IMPG2: variants seen among roughly 807,000 people sequenced by gnomAD.
The protein encoded by IMPG2 is interphotoreceptor matrix proteoglycan 2.
In IMPG2, 91 loss-of-function variants were observed where a neutral mutation model predicts 129.2. The observed-to-expected ratio is 0.70, with a 90% CI of 0.59 to 0.84. The LOEUF is 0.84. IMPG2 is among the 40% of genes least tolerant of loss of function. The pLI, the probability that IMPG2 is intolerant of heterozygous loss-of-function variation, is 0.00. For synonymous variants in IMPG2, 510 were observed against 517.7 expected (o/e 0.99, Z 0.20); for missense variants, 1,430 against 1,461.7 (o/e 0.98, Z 0.35).
At chr3:101,256,897 A>G (rs2107233993) in intron 10 of IMPG2, among the ~76,000 whole-genome samples, 1 of 152,258 alleles carries the variant, frequency 6.6e-6, no homozygotes, top group East Asian at 1.9e-4. Context: ...GCATACTGGT[A>G]GCCAGAATCT....
intron 17 of IMPG2, 74 bp downstream of exon 17, chr3:101,229,306 A>ACCCCCCCCCCCCCCC: frequency 2.8e-6 from 1 of 362,592 alleles, no homozygotes; most frequent in South Asian, 2.0e-5. Flanking sequence ...ACACACCCCC[A>ACCCCCCCCCCCCCCC]CCCACCACCC....
intron 3 of IMPG2, among the ~76,000 whole-genome samples, chr3:101,299,107 T>C (rs1301599397): frequency 2.6e-5 from 4 of 152,210 alleles, no homozygotes; most frequent in Non-Finnish European, 5.9e-5. Flanking sequence ...CTTTTCATTC[T>C]TTTTTTCTAA....
At chr3:101,266,055 T>C (rs904740674) in intron 9 of IMPG2, among the ~76,000 whole-genome samples, 1 of 152,084 alleles carries the variant, frequency 6.6e-6, no homozygotes, top group African/African-American at 2.4e-5. Context: ...AAATAGCAAA[T>C]GCTAGTGAGG....
chr3:101,251,218 A>G (rs1994201), intron 11 of IMPG2, among the ~76,000 whole-genome samples: 99,438 of 152,064 alleles, frequency 0.65, 32,673 homozygotes, highest in Admixed American at 0.7. Flanking sequence ...CTCAAGCAGT[A>G]ATATACCATT....
chr3:101,314,795 C>A (rs2058775712), intron 2 of IMPG2, among the ~76,000 whole-genome samples: 1 of 151,940 alleles, frequency 6.6e-6, no homozygotes, highest in African/African-American at 2.4e-5. Context: ...CTGAAGATGA[C>A]CTAAATAAAT....
rs767891826 is a variant in IMPG2 at position 101,243,566 on chromosome 3, A to G, written c.2765T>C (p.Leu922Ser). The G allele has an allele frequency of 5.0e-6, 8 of 1,613,828 alleles. No individual in the cohort carries two copies. The highest frequency in any genetic ancestry group is 1.3e-5 in the African/African-American group (1 of 75,026). Residue 922 changes from leucine to serine, a missense_variant, in exon 13 of 19, where the codon TTG becomes TCG. Leu to Ser is a moderately radical substitution (Grantham distance 145). Transcript: ENST00000193391. ...FSEDLFNKNSLEYKALEQRFL... is the reference protein window; with the variant it reads ...FSEDLFNKNSSEYKALEQRFL... ...TCTTTGCTCCAGGGCTTTATACTCCAAGGAGTTTTTATTAAACAGATCTTC... is the reference window on the plus strand; with the variant it reads ...TCTTTGCTCCAGGGCTTTATACTCCGAGGAGTTTTTATTAAACAGATCTTC...
chr3:101,290,506 C>A (rs1039263952), intron 4 of IMPG2, among the ~76,000 whole-genome samples: 1 of 151,976 alleles, frequency 6.6e-6, no homozygotes, highest in Admixed American at 6.6e-5. Context: ...AAGACCCTGT[C>A]TCTAAATAAA....
chr3:101,316,769 A>G (rs2058787948), intron 2 of IMPG2, among the ~76,000 whole-genome samples: 1 of 152,134 alleles, frequency 6.6e-6, no homozygotes, highest in African/African-American at 2.4e-5. Flanking sequence ...ATATGTTCAC[A>G]GAAAAACTTG....
rs1432849057 is a variant in IMPG2, at chr3:101,224,294, A to G, written c.*2675T>C. On this transcript the variant is annotated 3_prime_UTR_variant, in exon 19 of 19. Transcript: ENST00000193391. ...TAAAAAAGGATAGTGTATATAATTC[A>G]ATTATAAAGGCTACATCTGTAAAAC... 1 of 152,250 alleles carries G rather than the reference A, an allele frequency of 6.6e-6. No individual in the cohort carries two copies. Among genetic ancestry groups the G allele is most frequent in the East Asian group, 1.9e-4 (1 of 5,204 alleles). The allele number at this position is 152,250 out of a possible 1,614,324, so 9.4% of individuals were successfully genotyped here.
intron 9 of IMPG2, among the ~76,000 whole-genome samples, chr3:101,260,979 A>G (rs1448967574): frequency 6.6e-6 from 1 of 152,196 alleles, no homozygotes; most frequent in African/African-American, 2.4e-5. Context: ...ACAACAGTAC[A>G]TGATATGCCT....
intron 11 of IMPG2, among the ~76,000 whole-genome samples, chr3:101,253,330 C>T (rs1356387461): frequency 2.6e-5 from 4 of 152,144 alleles, no homozygotes; most frequent in African/African-American, 9.7e-5. Context: ...AATCTACGCT[C>T]TATACCTAGT....
chr3:101,298,277 A>G (rs1707102089), intron 3 of IMPG2, among the ~76,000 whole-genome samples: 1 of 149,940 alleles, frequency 6.7e-6, no homozygotes, highest in Non-Finnish European at 1.5e-5. Flanking sequence ...CTTTATTTTG[A>G]GCCTATGTGT....
chr3:101,289,853 G>A (rs948889822), intron 4 of IMPG2, among the ~76,000 whole-genome samples: 1 of 151,158 alleles, frequency 6.6e-6, no homozygotes, highest in African/African-American at 2.4e-5. Context: ...AGGGACTGTG[G>A]GGTCAGAGAG....
At chr3:101,309,594 C>T (rs769005295) in intron 2 of IMPG2, among the ~76,000 whole-genome samples, 2 of 152,090 alleles carry the variant, frequency 1.3e-5, no homozygotes, top group Non-Finnish European at 2.9e-5. Flanking sequence ...GAACCACCCC[C>T]CATGATCTAA....
chr3:101,310,275 G>A (rs1707248085), intron 2 of IMPG2, among the ~76,000 whole-genome samples: 1 of 152,102 alleles, frequency 6.6e-6, no homozygotes, highest in Admixed American at 6.5e-5. Context: ...AGGATTAGAT[G>A]GTTAAGCTAG....
In IMPG2 at chr3:101,304,229, A is replaced by T. The variant is rs1178916697; in HGVS notation, c.418T>A (p.Leu140Met). ...GREEYHYWMN[L>M]CEDGVTSIFE... ...ATACTTGTGACTCCATCCTCACACA[A>T]ATTCATCCAGTAATGATATTCCTCA... The change falls in exon 3 of 19, where the codon TTG becomes ATG. Residue 140 changes from leucine to methionine, a missense_variant. Transcript: ENST00000193391. 1 of 1,613,910 alleles carries T rather than the reference A, an allele frequency of 6.2e-7. No homozygotes were observed. Among genetic ancestry groups the T allele is most frequent in the South Asian group, 1.1e-5 (1 of 91,076 alleles).
intron 3 of IMPG2, among the ~76,000 whole-genome samples, chr3:101,299,095 T>C (rs926190747): frequency 2.0e-5 from 3 of 152,204 alleles, no homozygotes; most frequent in African/African-American, 7.2e-5. Context: ...TTCCATTTGT[T>C]CCTTTTCATT....
At chr3:101,228,762 G>C in intron 18 of IMPG2, 35 bp downstream of exon 18, 1 of 1,534,656 alleles carries the variant, frequency 6.5e-7, no homozygotes, top group Non-Finnish European at 9.0e-7. Flanking sequence ...TGTTAAGTCT[G>C]TAGGTCGGGG....
chr3:101,307,163 A>G (rs1025104224), intron 2 of IMPG2, among the ~76,000 whole-genome samples: 1 of 152,248 alleles, frequency 6.6e-6, no homozygotes, highest in African/African-American at 2.4e-5. Context: ...TTCATTTTTC[A>G]GAGAAATTCA....
Sources: gnomAD v4.1 joint callset for allele counts (sites outside exome capture counted in the v4.1 genomes callset) on GRCh38, gnomAD v4.1.1 for gene constraint, MANE v1.5 for transcripts, NCBI Gene and HGNC (gene_info 2026-07-23, HGNC 2026-07-21) for gene names.